SPMAP2L: variants seen among roughly 807,000 people sequenced by gnomAD.
SPMAP2L encodes the protein sperm microtubule associated protein 2 like.
chr4:56,609,736 T>C, the SPMAP2L span, among the ~76,000 whole-genome samples: 52 of 152,144 alleles, frequency 3.4e-4, no homozygotes, highest in East Asian at 9.7e-3. Flanking sequence ...CTTGAGAGAG[T>C]TCATCCCTTT....
the SPMAP2L span, among the ~76,000 whole-genome samples, chr4:56,534,616 T>A: frequency 6.6e-6 from 1 of 152,100 alleles, no homozygotes; most frequent in South Asian, 2.1e-4. Flanking sequence ...CCCGCTTGAA[T>A]ATCAATTTGG....
chr4:56,584,406 A>T, the SPMAP2L span: 1 of 757,144 alleles, frequency 1.3e-6, no homozygotes, highest in Non-Finnish European at 2.2e-6. Flanking sequence ...AGTGTATATA[A>T]TCGATTAGAA....
chr4:56,601,210 T>C, the SPMAP2L span: 7 of 1,175,736 alleles, frequency 6.0e-6, no homozygotes, highest in East Asian at 5.2e-5. Flanking sequence ...TGTAGAAATA[T>C]GAAAAGAACT....
the SPMAP2L span, among the ~76,000 whole-genome samples, chr4:56,624,768 A>G: frequency 6.6e-6 from 1 of 152,210 alleles, no homozygotes; most frequent in Non-Finnish European, 1.5e-5. Flanking sequence ...CAGAAGATGT[A>G]TGGAAATACT....
At chr4:56,608,010 A>AAAAG in the SPMAP2L span, among the ~76,000 whole-genome samples, 10 of 151,364 alleles carry the variant, frequency 6.6e-5, no homozygotes, top group African/African-American at 2.2e-4. Context: ...AAAAAAAAAA[A>AAAAG]AAAGAAAGAA....
the SPMAP2L span, among the ~76,000 whole-genome samples, chr4:56,549,050 G>A: frequency 1.0e-4 from 15 of 149,728 alleles, no homozygotes; most frequent in Middle Eastern, 3.5e-3. Context: ...GTGCAGTGGC[G>A]TGATCTCGGC....
the SPMAP2L span, among the ~76,000 whole-genome samples, chr4:56,580,734 A>C: frequency 6.6e-6 from 1 of 152,176 alleles, no homozygotes; most frequent in African/African-American, 2.4e-5. Flanking sequence ...GTATGCAGAA[A>C]ATCTTAAGGA....
the SPMAP2L span, among the ~76,000 whole-genome samples, chr4:56,597,261 A>G: frequency 6.6e-6 from 1 of 152,162 alleles, no homozygotes; most frequent in Non-Finnish European, 1.5e-5. Context: ...GGGTGGAGCA[A>G]GGTGAGCTAG....
chr4:56,572,766 A>C, the SPMAP2L span, among the ~76,000 whole-genome samples: 1 of 151,964 alleles, frequency 6.6e-6, no homozygotes, highest in Non-Finnish European at 1.5e-5. Flanking sequence ...CTGTAATCCC[A>C]GCACTTTGGG....
At chr4:56,565,616 T>C in the SPMAP2L span, among the ~76,000 whole-genome samples, 276 of 152,322 alleles carry the variant, frequency 1.8e-3, no homozygotes, top group African/African-American at 6.1e-3. Context: ...GTTCAATGTA[T>C]ACAAACCTTG....
chr4:56,599,770 G>T, the SPMAP2L span, among the ~76,000 whole-genome samples: 1 of 152,106 alleles, frequency 6.6e-6, no homozygotes, highest in Non-Finnish European at 1.5e-5. Flanking sequence ...TCCATGGTGT[G>T]TATGTACCAC....
the SPMAP2L span, chr4:56,575,556 T>C: frequency 6.5e-7 from 1 of 1,535,388 alleles, no homozygotes; most frequent in African/African-American, 1.4e-5. Flanking sequence ...GGGAGATCAC[T>C]CCTCCTGCAT....
At chr4:56,601,929 G>T in the SPMAP2L span, among the ~76,000 whole-genome samples, 1 of 152,158 alleles carries the variant, frequency 6.6e-6, no homozygotes, top group Non-Finnish European at 1.5e-5. Flanking sequence ...CCATATATTT[G>T]TTTGCATATG....
At chr4:56,531,290 GC>G in the SPMAP2L span, 1 of 1,322,226 alleles carries the variant, frequency 7.6e-7, no homozygotes, top group African/African-American at 1.5e-5. Flanking sequence ...GCATGCAAGA[GC>G]TTGCCATATT....
chr4:56,565,166 ACT>A, the SPMAP2L span, among the ~76,000 whole-genome samples: 3 of 152,162 alleles, frequency 2.0e-5, no homozygotes, highest in African/African-American at 7.2e-5. Flanking sequence ...TATAAATGTC[ACT>A]TAGGCCAAGT....
At chr4:56,583,595 T>G in the SPMAP2L span, among the ~76,000 whole-genome samples, 1 of 152,146 alleles carries the variant, frequency 6.6e-6, no homozygotes. Context: ...ATTGATAGGT[T>G]TTTGATTAGG....
chr4:56,577,786 G>C, the SPMAP2L span, among the ~76,000 whole-genome samples: 1 of 152,128 alleles, frequency 6.6e-6, no homozygotes, highest in Non-Finnish European at 1.5e-5. Context: ...TGAAAGGACA[G>C]TTATCCTGGG....
chr4:56,577,333 A>G, the SPMAP2L span, among the ~76,000 whole-genome samples: 3 of 152,210 alleles, frequency 2.0e-5, no homozygotes, highest in Non-Finnish European at 4.4e-5. Context: ...TGAAAGTAAA[A>G]AAATAGGCAC....
chr4:56,543,535 T>C, the SPMAP2L span, among the ~76,000 whole-genome samples: 2 of 151,998 alleles, frequency 1.3e-5, no homozygotes, highest in African/African-American at 4.8e-5. Flanking sequence ...ATACTAAAAA[T>C]ACAAAGATTT....
Sources: allele counts gnomAD v4.1 joint callset (sites outside exome capture counted in the v4.1 genomes callset), GRCh38; gene constraint gnomAD v4.1.1; transcripts MANE v1.5; gene names NCBI Gene and HGNC (gene_info 2026-07-23, HGNC 2026-07-21).